COL5A2: variants seen among roughly 807,000 people sequenced by gnomAD.
The protein encoded by COL5A2 is collagen alpha-2(V) chain.
A neutral mutation model predicts 208.2 loss-of-function variants in COL5A2; 23 were observed. The ratio of observed to expected loss-of-function variants is 0.11; its 90% CI spans 0.08 to 0.16. The LOEUF is 0.16. COL5A2 is among the 10% of genes least tolerant of loss of function. The probability of loss-of-function intolerance (pLI) is 1.00; values close to 1 mark genes in which losing one functional copy is unlikely to be tolerated. For synonymous variants in COL5A2, 625 were observed against 628.5 expected (o/e 0.99, Z 0.08); for missense variants, 1,590 against 1,956.4 (o/e 0.81, Z 3.53).
At chr2:189,061,234 G>T (rs1001252685) in intron 30 of COL5A2, among the ~76,000 whole-genome samples, 3 of 152,038 alleles carry the variant, frequency 2.0e-5, no homozygotes, top group Non-Finnish European at 1.5e-5. Context: ...TCACTGTGCC[G>T]ATAAAACAAA....
At chr2:189,428,435 T>G in the COL5A2 span, among the ~76,000 whole-genome samples, 9 of 152,020 alleles carry the variant, frequency 5.9e-5, no homozygotes, top group Non-Finnish European at 1.2e-4. Flanking sequence ...CTGGCTAACA[T>G]AGTGAAATCC....
chr2:189,263,293 A>G, the COL5A2 span, among the ~76,000 whole-genome samples: 2 of 152,112 alleles, frequency 1.3e-5, no homozygotes, highest in African/African-American at 4.8e-5. Flanking sequence ...TTAAACCCAT[A>G]TTGGATGTAA....
chr2:189,141,604 T>C (rs565417501), intron 1 of COL5A2, among the ~76,000 whole-genome samples: 31 of 152,310 alleles, frequency 2.0e-4, no homozygotes, highest in African/African-American at 7.0e-4. Flanking sequence ...TATAGTCACA[T>C]GGGTCACGTA....
chr2:189,168,219 G>A (rs1161957514), intron 1 of COL5A2, among the ~76,000 whole-genome samples: 1 of 147,708 alleles, frequency 6.8e-6, no homozygotes, highest in Non-Finnish European at 1.5e-5. Flanking sequence ...GATTATAGGC[G>A]TGAGCCACTG....
intron 1 of COL5A2, among the ~76,000 whole-genome samples, chr2:189,197,960 G>A (rs1008030693): frequency 2.0e-5 from 3 of 151,186 alleles, no homozygotes; most frequent in African/African-American, 7.3e-5. Context: ...CGCCATTCTC[G>A]TGCCTCAGCC....
At chr2:189,153,174 C>CA (rs1252294151) in intron 1 of COL5A2, among the ~76,000 whole-genome samples, 9 of 152,172 alleles carry the variant, frequency 5.9e-5, no homozygotes, top group African/African-American at 1.7e-4. Flanking sequence ...ACATTACATG[C>CA]AATTCTCAGA....
intron 18 of COL5A2, among the ~76,000 whole-genome samples, chr2:189,071,695 T>C (rs545250946): frequency 2.4e-4 from 37 of 152,260 alleles, no homozygotes; most frequent in African/African-American, 8.9e-4. Flanking sequence ...GTTTATTACT[T>C]CCAGGTACTC....
chr2:189,269,048 C>T, the COL5A2 span, among the ~76,000 whole-genome samples: 1 of 152,078 alleles, frequency 6.6e-6, no homozygotes, highest in Non-Finnish European at 1.5e-5. Context: ...TTACCATTAC[C>T]AATTCCAGTA....
chr2:189,429,157 T>C, the COL5A2 span, among the ~76,000 whole-genome samples: 1 of 152,210 alleles, frequency 6.6e-6, no homozygotes, highest in Non-Finnish European at 1.5e-5. Context: ...TACATATATA[T>C]TAATTAGGTA....
the COL5A2 span, among the ~76,000 whole-genome samples, chr2:189,424,412 T>C: frequency 6.6e-6 from 1 of 152,196 alleles, no homozygotes; most frequent in African/African-American, 2.4e-5. Flanking sequence ...GACATGACTT[T>C]ATGTACTTTT....
intron 1 of COL5A2, among the ~76,000 whole-genome samples, chr2:189,119,176 T>A (rs956544091): frequency 1.3e-5 from 2 of 152,064 alleles, no homozygotes; most frequent in Non-Finnish European, 2.9e-5. Flanking sequence ...ACTTTTTAGA[T>A]GCACAGCAAA....
chr2:189,247,587 T>C, the COL5A2 span, among the ~76,000 whole-genome samples: 1 of 151,574 alleles, frequency 6.6e-6, no homozygotes, highest in African/African-American at 2.4e-5. Flanking sequence ...AAATTTCTTT[T>C]TTTTTTTTTT....
At chr2:189,427,781 C>G in the COL5A2 span, among the ~76,000 whole-genome samples, 1 of 152,182 alleles carries the variant, frequency 6.6e-6, no homozygotes, top group Non-Finnish European at 1.5e-5. Context: ...CCCCTGCTGA[C>G]TTTCAGACTT....
At chr2:189,277,937 A>G in the COL5A2 span, among the ~76,000 whole-genome samples, 1 of 152,120 alleles carries the variant, frequency 6.6e-6, no homozygotes, top group Non-Finnish European at 1.5e-5. Flanking sequence ...CAAGGAGGTC[A>G]ATAGTGCCCC....
chr2:189,096,979 A>G (rs1686932334), intron 6 of COL5A2, among the ~76,000 whole-genome samples: 1 of 152,194 alleles, frequency 6.6e-6, no homozygotes, highest in Non-Finnish European at 1.5e-5. Context: ...CACAGATCAT[A>G]TAACTTGGAT....
chr2:189,050,754 C>T (rs1185869495), intron 42 of COL5A2, 78 bp from the exon 43 acceptor site: 11 of 1,214,966 alleles, frequency 9.1e-6, no homozygotes, highest in African/African-American at 1.5e-5. Context: ...AAGTTGGGTA[C>T]AGCTTTACAG....
At position 189,088,559 on chromosome 2, in the gene COL5A2, A is replaced by AAATG. The variant is rs5837124; in HGVS notation, c.645+132_645+135dup. 603,508 of 675,048 alleles carry AAATG rather than the reference A, an allele frequency of 0.89. 272,686 individuals carry two copies. The highest frequency in any genetic ancestry group is 0.95 in the Non-Finnish European group (347,147 of 366,146). The allele number at this position is 675,048 out of a possible 1,614,324, so 41.8% of individuals were successfully genotyped here. A position where few individuals can be genotyped will look rare whatever the true frequency, so the allele number is the denominator to read the frequency against. On this transcript the variant is annotated intron_variant, in intron 8 of 53. Coordinates refer to ENST00000374866, the MANE Select transcript of COL5A2 (RefSeq NM_000393.5). ...ATACAGTAGAGTAAATAAGTTAATT[A>AAATG]AATGAATGAATGAATGAATGTACGA...
chr2:189,067,963 C>T (rs757977584), intron 21 of COL5A2, 52 bp downstream of exon 21: 4 of 1,395,460 alleles, frequency 2.9e-6, no homozygotes, highest in Non-Finnish European at 3.1e-6. Flanking sequence ...TTACTCTTGG[C>T]CCTCGTAGTT....
At chr2:189,306,988 T>G in the COL5A2 span, among the ~76,000 whole-genome samples, 1 of 152,188 alleles carries the variant, frequency 6.6e-6, no homozygotes, top group African/African-American at 2.4e-5. Context: ...TGTGACCCAA[T>G]AAGTAAATTT....
Sources: gnomAD v4.1 joint callset for allele counts (sites outside exome capture counted in the v4.1 genomes callset) on GRCh38, gnomAD v4.1.1 for gene constraint, MANE v1.5 for transcripts, NCBI Gene and HGNC (gene_info 2026-07-23, HGNC 2026-07-21) for gene names.